PCDHA11: variants seen among roughly 807,000 people sequenced by gnomAD.
PCDHA11 encodes protocadherin alpha-11.
Under a neutral mutation model 70.3 loss-of-function variants are expected in PCDHA11, and 61 were observed. The ratio of observed to expected loss-of-function variants is 0.87; its 90% CI spans 0.71 to 1.07. PCDHA11 has a LOEUF of 1.07. Among genes scored for constraint, PCDHA11 ranks in the 50% least tolerant of loss-of-function variants. The probability of loss-of-function intolerance (pLI) is 0.00; values close to 1 mark genes in which losing one functional copy is unlikely to be tolerated. For synonymous variants in PCDHA11, 633 were observed against 555.1 expected (o/e 1.14, Z -1.97); for missense variants, 1,324 against 1,237.5 (o/e 1.07, Z -1.05).
At chr5:140,913,969 AT>A (rs1304513966) in intron 1 of PCDHA11, among the ~76,000 whole-genome samples, 3 of 152,098 alleles carry the variant, frequency 2.0e-5, no homozygotes, top group Admixed American at 2.0e-4. Context: ...TTAAAAAAAT[AT>A]TTTAGGACTT....
At chr5:140,984,942 A>C (rs1263555467) in intron 3 of PCDHA11, among the ~76,000 whole-genome samples, 1 of 151,954 alleles carries the variant, frequency 6.6e-6, no homozygotes, top group Admixed American at 6.6e-5. Context: ...ATAAATGTCT[A>C]ATCTTTTTTT....
chr5:140,994,550 T>A (rs1554254228), intron 3 of PCDHA11, among the ~76,000 whole-genome samples: 1 of 151,060 alleles, frequency 6.6e-6, no homozygotes, highest in Non-Finnish European at 1.5e-5. Context: ...AAAAAAAATA[T>A]AAAAATTAGC....
chr5:140,906,585 C>T (rs782305409), intron 1 of PCDHA11, among the ~76,000 whole-genome samples: 1 of 152,208 alleles, frequency 6.6e-6, no homozygotes, highest in Non-Finnish European at 1.5e-5. Context: ...TTGATGACTA[C>T]CTTCCTCTAC....
chr5:140,929,528 T>C, intron 1 of PCDHA11: 1 of 693,446 alleles, frequency 1.4e-6, no homozygotes, highest in African/African-American at 1.9e-5. Context: ...TAGTTTATTT[T>C]TGAGAAACAA....
At chr5:140,894,365 A>G (rs1375287003) in intron 1 of PCDHA11, among the ~76,000 whole-genome samples, 4 of 151,966 alleles carry the variant, frequency 2.6e-5, no homozygotes, top group African/African-American at 7.2e-5. Context: ...TTCTTCTTCA[A>G]TGGCTCCAAT....
At chr5:140,901,235 T>A (rs1554189665) in intron 1 of PCDHA11, among the ~76,000 whole-genome samples, 1 of 152,174 alleles carries the variant, frequency 6.6e-6, no homozygotes, top group African/African-American at 2.4e-5. Context: ...TATATCCATT[T>A]TTTTCCTTTG....
At chr5:140,884,864 T>C (rs1048751495) in intron 1 of PCDHA11, among the ~76,000 whole-genome samples, 1 of 152,234 alleles carries the variant, frequency 6.6e-6, no homozygotes, top group African/African-American at 2.4e-5. Flanking sequence ...TCACAAACCA[T>C]AATGAAATGT....
At chr5:140,883,376 G>C in intron 1 of PCDHA11, 1 of 1,614,116 alleles carries the variant, frequency 6.2e-7, no homozygotes, top group Non-Finnish European at 8.5e-7. Context: ...CGCCATTATT[G>C]CCCTAATCAG....
At chr5:140,911,030 C>A (rs995736934) in intron 1 of PCDHA11, among the ~76,000 whole-genome samples, 1 of 152,066 alleles carries the variant, frequency 6.6e-6, no homozygotes, top group East Asian at 1.9e-4. Context: ...AGTTATAGGT[C>A]TAGAAGCAAA....
At chr5:140,897,008 T>C (rs1215081415) in intron 1 of PCDHA11, among the ~76,000 whole-genome samples, 13 of 152,154 alleles carry the variant, frequency 8.5e-5, no homozygotes, top group Admixed American at 1.3e-4. Flanking sequence ...TATTTTTAAA[T>C]ATACAACTAA....
chr5:140,976,550 CATAA>C (rs782672542), intron 1 of PCDHA11, among the ~76,000 whole-genome samples: 4 of 151,944 alleles, frequency 2.6e-5, no homozygotes, highest in South Asian at 2.1e-4. Flanking sequence ...GACCCTATCT[CATAA>C]ATAAATAAAT....
chr5:140,875,157 A>T, intron 1 of PCDHA11: 1 of 333,552 alleles, frequency 3.0e-6, no homozygotes, highest in Non-Finnish European at 5.3e-6. Flanking sequence ...CGTGAAAAAT[A>T]ACCCAAAGTC....
intron 1 of PCDHA11, among the ~76,000 whole-genome samples, chr5:140,897,416 T>C (rs1233824796): frequency 6.9e-6 from 1 of 145,554 alleles, no homozygotes; most frequent in African/African-American, 2.5e-5. Flanking sequence ...TCAATTCCCA[T>C]CTATGAGTGA....
At chr5:140,919,593 T>C (rs541275874) in intron 1 of PCDHA11, among the ~76,000 whole-genome samples, 1 of 152,214 alleles carries the variant, frequency 6.6e-6, no homozygotes, top group Non-Finnish European at 1.5e-5. Context: ...TGGTAATTTT[T>C]AAAATAAATT....
At chr5:140,910,525 C>T (rs531874263) in intron 1 of PCDHA11, among the ~76,000 whole-genome samples, 2 of 152,258 alleles carry the variant, frequency 1.3e-5, no homozygotes, top group African/African-American at 4.8e-5. Context: ...GCAGGTACTC[C>T]CCTCACAAAT....
At chr5:140,928,056 G>T (rs183490994) in intron 1 of PCDHA11, 1 of 1,614,154 alleles carries the variant, frequency 6.2e-7, no homozygotes, top group Admixed American at 1.7e-5. Flanking sequence ...TTCAGCTGAC[G>T]GCTTCCTTTG....
At position 140,870,595 on chromosome 5, in the gene PCDHA11, T is replaced by C; in HGVS notation, c.1492T>C (p.Leu498=). The part of the protein sequence containing the change: ...LVSYSLVERR[L]GDRALSSYVS... The stretch of plus-strand genomic sequence containing the variant: ...GTCCTACTCGCTGGTGGAGCGGCGG[T>C]TGGGCGACCGCGCGCTGTCGAGCTA... The change falls in exon 1 of 4, where the codon TTG becomes CTG. Residue 498 remains leucine, a synonymous_variant. Transcript: ENST00000398640. 3 of 1,613,242 alleles carry C rather than the reference T, an allele frequency of 1.9e-6. No homozygotes were observed. Among genetic ancestry groups the C allele is most frequent in the Non-Finnish European group, 2.5e-6 (3 of 1,179,856 alleles).
intron 1 of PCDHA11, among the ~76,000 whole-genome samples, chr5:140,970,086 G>T (rs1263388270): frequency 6.6e-6 from 1 of 152,102 alleles, no homozygotes; most frequent in Non-Finnish European, 1.5e-5. Flanking sequence ...TTAGGGGTGT[G>T]GGGGGATGGT....
intron 3 of PCDHA11, among the ~76,000 whole-genome samples, chr5:140,990,570 C>T (rs142596715): frequency 7.2e-4 from 110 of 152,260 alleles, no homozygotes; most frequent in African/African-American, 2.4e-3. Context: ...CACACCTGTT[C>T]GATCTCTTTT....
Sources: gnomAD v4.1 joint callset for allele counts (sites outside exome capture counted in the v4.1 genomes callset) on GRCh38, gnomAD v4.1.1 for gene constraint, MANE v1.5 for transcripts, NCBI Gene and HGNC (gene_info 2026-07-23, HGNC 2026-07-21) for gene names.